The following AAAS variants were observed in gnomAD, a reference collection of about 807,000 sequenced individuals.
AAAS encodes aladin WD repeat nucleoporin.
A neutral mutation model predicts 75.6 loss-of-function variants in AAAS; 60 were observed. The observed-to-expected ratio is 0.79, with a 90% CI of 0.64 to 0.98. The LOEUF (loss-of-function observed/expected upper bound fraction) is 0.98, where lower values mean the gene tolerates loss of function less well. Among genes scored for constraint, AAAS ranks in the 50% least tolerant of loss-of-function variants. The pLI is 0.00. For synonymous variants in AAAS, 271 were observed against 265.0 expected (o/e 1.02, Z -0.22); for missense variants, 658 against 686.9 (o/e 0.96, Z 0.47).
In AAAS at chr12:53,309,243, G is replaced by C. The variant is rs1944348002; in HGVS notation, c.849C>G (p.Pro283=). The C allele has an allele frequency of 6.2e-7, 1 of 1,613,956 alleles. No individual in the cohort carries two copies. The highest frequency in any genetic ancestry group is 1.3e-5 in the African/African-American group (1 of 74,898). ...DVSTETCVPL[P]WFRGGGVTNL... ...TGGTCACCCCACCTCCTCGGAACCA[G>C]GGAAGGGGGACACAGGTCTCTGTTG... Residue 283 remains proline, a synonymous_variant, in exon 9 of 16, where the codon CCC becomes CCG. Coordinates refer to ENST00000209873, the MANE Select transcript of AAAS (RefSeq NM_015665.6).
At chr12:53,315,488 T>C (rs570256327) in intron 3 of AAAS, 62 bp from the exon 4 acceptor site, 73 of 1,473,064 alleles carry the variant, frequency 5.0e-5, no homozygotes, top group Middle Eastern at 2.3e-4. Context: ...AGGTACCTTC[T>C]AGGTGAAAGA....
chr12:53,308,005 G>A (rs778988213), intron 14 of AAAS, 47 bp downstream of exon 14: 1 of 1,613,318 alleles, frequency 6.2e-7, no homozygotes, highest in Non-Finnish European at 8.5e-7. Context: ...TGTTTGTGCA[G>A]GAAGGCTGGT....
chr12:53,315,214 C>T, intron 4 of AAAS, 74 bp from the exon 5 acceptor site: 1 of 1,596,852 alleles, frequency 6.3e-7, no homozygotes, highest in South Asian at 1.1e-5. Context: ...AACAGGGGAG[C>T]TGGACCACTC....
intron 7 of AAAS, among the ~76,000 whole-genome samples, chr12:53,312,824 TAA>T (rs201828433): frequency 0.02 from 2,753 of 134,900 alleles, 45 homozygotes; most frequent in South Asian, 0.055. Context: ...TGTATATATA[TAA>T]AACATATATG....
intron 2 of AAAS, among the ~76,000 whole-genome samples, chr12:53,317,849 A>G (rs1384480863): frequency 6.6e-6 from 1 of 152,234 alleles, no homozygotes; most frequent in Non-Finnish European, 1.5e-5. Flanking sequence ...AGGAATTAGC[A>G]TAAACAAGAT....
chr12:53,309,818 T>A, intron 7 of AAAS, 97 bp from the exon 8 acceptor site: 1 of 1,521,802 alleles, frequency 6.6e-7, no homozygotes, highest in South Asian at 1.2e-5. Flanking sequence ...CCTATCCTGA[T>A]GGCCCACTCT....
At chr12:53,311,208 T>G (rs1317402523) in intron 7 of AAAS, among the ~76,000 whole-genome samples, 1 of 152,150 alleles carries the variant, frequency 6.6e-6, no homozygotes, top group Non-Finnish European at 1.5e-5. Flanking sequence ...CCTCCGAAAG[T>G]GCTGGAATTA....
chr12:53,317,275 T>G (rs1944477157), intron 2 of AAAS, among the ~76,000 whole-genome samples: 2 of 139,806 alleles, frequency 1.4e-5, no homozygotes, highest in Non-Finnish European at 3.1e-5. Context: ...ATACAAAAAT[T>G]GGCCAGGTGC....
In AAAS at chr12:53,309,410, C is replaced by A. The variant is rs147642662; in HGVS notation, c.811-129G>T. 365 of 1,509,150 alleles carry A rather than the reference C, an allele frequency of 2.4e-4. 2 individuals are homozygous for A. In the East Asian group the frequency reaches 7.9e-3, roughly 33 times the overall value. The allele number at this position is 1,509,150 out of a possible 1,614,324, so 93.5% of individuals were successfully genotyped here. The stretch of plus-strand genomic sequence containing the variant: ...GAGAGGGACTGTGAAACATGAGGCA[C>A]GGGTTCATGCTGACAATTACAGACA... On this transcript the variant is annotated intron_variant, in intron 8 of 15. Transcript: ENST00000209873.
intron 7 of AAAS, among the ~76,000 whole-genome samples, chr12:53,310,616 C>CT (rs1253656715): frequency 6.6e-6 from 1 of 151,472 alleles, no homozygotes; most frequent in Non-Finnish European, 1.5e-5. Context: ...CAGCAGGGAA[C>CT]TACCTGAGGG....
chr12:53,309,583 G>A lies in AAAS; in HGVS notation c.810+18C>T. 1.9e-6 allele frequency: 3 copies of A among 1,613,584 alleles called. No individual in the cohort carries two copies. The highest frequency in any genetic ancestry group is 3.3e-5 in the Admixed American group (2 of 60,016). On this transcript the variant is annotated intron_variant, in intron 8 of 15. Transcript: ENST00000209873. ...TTGCCAGGACTGAAATGTGCATGAG[G>A]GGCAGGGACCCACTCACCCGGATAG...
At chr12:53,307,754 A>G in intron 15 of AAAS, 41 bp from the exon 16 acceptor site, 2 of 1,613,332 alleles carry the variant, frequency 1.2e-6, no homozygotes, top group African/African-American at 1.3e-5. Flanking sequence ...TCTGGGCCCA[A>G]AGAAGGGCCA....
chr12:53,314,936 T>G lies in AAAS; in HGVS notation c.447-87A>C. On this transcript the variant is annotated intron_variant, in intron 5 of 15. Transcript: ENST00000209873. ...CATTCATTTCCAGTAAGGACATGGT[T>G]TTTTCCTACTTTTTCTTGTATTCTT... 4 of 1,490,484 alleles carry G rather than the reference T, an allele frequency of 2.7e-6. No homozygotes were observed. In the South Asian group the frequency reaches 3.5e-5, roughly 13 times the overall value. 92.3% of individuals were successfully genotyped at this position (1,490,484 alleles called of 1,614,324 possible).
intron 2 of AAAS, among the ~76,000 whole-genome samples, chr12:53,316,497 G>A (rs552960347): frequency 1.6e-4 from 24 of 149,632 alleles, no homozygotes; most frequent in Non-Finnish European, 2.7e-4. Flanking sequence ...GGCCAGGCGC[G>A]GTGGCTCACA....
chr12:53,307,806 A>G (rs1944313009), intron 15 of AAAS, 39 bp downstream of exon 15: 1 of 1,613,244 alleles, frequency 6.2e-7, no homozygotes, highest in Non-Finnish European at 8.5e-7. Context: ...CAGCTTCTCC[A>G]TCCAACTCCT....
rs1944445848 is a variant in AAAS at position 53,315,361 on chromosome 12, G to A, written c.373C>T (p.His125Tyr). The change falls in exon 4 of 16, where the codon CAT becomes TAT. Residue 125 changes from histidine (H) to tyrosine (Y), a missense_variant. Coordinates refer to ENST00000209873, the MANE Select transcript of AAAS (RefSeq NM_015665.6). ...GACAGATGGGGGAACAGGGACCCAT[G>A]GAGGGAAGAGGCCCATCGACAGAGT... Reference protein sequence around the residue: ...LALCRWASSLHGSLFPHLSLR... With the variant: ...LALCRWASSLYGSLFPHLSLR... 6.2e-7 allele frequency: 1 copy of A among 1,614,056 alleles called. No individual in the cohort carries two copies. Among genetic ancestry groups the A allele is most frequent in the African/African-American group, 1.3e-5 (1 of 74,954 alleles).
intron 8 of AAAS, 91 bp from the exon 9 acceptor site, chr12:53,309,372 C>T (rs997751640): frequency 3.9e-5 from 62 of 1,580,430 alleles, no homozygotes; most frequent in South Asian, 9.0e-5. Flanking sequence ...GAGCCAGAAA[C>T]GAGAGGAAGC....
chr12:53,308,152 G>C lies in AAAS; in HGVS notation c.1250-19C>G. The C allele has an allele frequency of 6.2e-7, 1 of 1,613,968 alleles. No homozygotes were observed. The highest frequency in any genetic ancestry group is 8.5e-7 in the Non-Finnish European group (1 of 1,179,818). On this transcript the variant is annotated intron_variant, in intron 13 of 15. Transcript: ENST00000209873. ...GGCTTTCCTGTAAGAAATGGATCCA[G>C]GGATAGGGGAGGAACTCTGAAGGCA...
chr12:53,315,568 C>T, intron 3 of AAAS, 142 bp from the exon 4 acceptor site: 2 of 1,185,804 alleles, frequency 1.7e-6, no homozygotes, highest in Non-Finnish European at 2.5e-6. Flanking sequence ...TCTGGACACC[C>T]ACTCTGGACA....
Sources: allele counts gnomAD v4.1 joint callset (sites outside exome capture counted in the v4.1 genomes callset), GRCh38; gene constraint gnomAD v4.1.1; transcripts MANE v1.5; gene names NCBI Gene and HGNC (gene_info 2026-07-23, HGNC 2026-07-21).